CCSER1: variants seen among roughly 807,000 people sequenced by gnomAD.
CCSER1 encodes serine-rich coiled-coil domain-containing protein 1.
A neutral mutation model predicts 82.0 loss-of-function variants in CCSER1; 41 were observed. The observed-to-expected ratio is 0.50, with a 90% CI of 0.39 to 0.65. CCSER1 has a LOEUF of 0.65. Ranked by LOEUF, CCSER1 falls within the 30% of genes least tolerant of loss-of-function variation. The pLI, the probability that CCSER1 is intolerant of heterozygous loss-of-function variation, is 0.00. For synonymous variants in CCSER1, 414 were observed against 383.9 expected (o/e 1.08, Z -0.92); for missense variants, 1,119 against 1,064.2 (o/e 1.05, Z -0.72).
At chr4:90,856,882 G>C (rs1428340537) in intron 8 of CCSER1, among the ~76,000 whole-genome samples, 1 of 151,472 alleles carries the variant, frequency 6.6e-6, no homozygotes, top group African/African-American at 2.4e-5. Context: ...GAGGCTTAGA[G>C]GTTGCAATCT....
intron 1 of CCSER1, among the ~76,000 whole-genome samples, chr4:90,263,713 G>T (rs1560902606): frequency 6.6e-6 from 1 of 152,144 alleles, no homozygotes; most frequent in Admixed American, 6.5e-5. Context: ...CTTGCCCTAA[G>T]TAGTCTGGGG....
intron 10 of CCSER1, among the ~76,000 whole-genome samples, chr4:91,214,363 C>T (rs1737069938): frequency 6.6e-6 from 1 of 152,154 alleles, no homozygotes; most frequent in Non-Finnish European, 1.5e-5. Context: ...CCTAGACGAA[C>T]ACCCTATATG....
chr4:91,478,265 T>A (rs1321678238), intron 10 of CCSER1, among the ~76,000 whole-genome samples: 1 of 151,942 alleles, frequency 6.6e-6, no homozygotes, highest in African/African-American at 2.4e-5. Flanking sequence ...ACTATTCAAC[T>A]ACATTTTAGC....
chr4:90,995,833 G>T (rs945982537), intron 9 of CCSER1, among the ~76,000 whole-genome samples: 3 of 151,824 alleles, frequency 2.0e-5, no homozygotes, highest in Admixed American at 6.6e-5. Flanking sequence ...ACTCACAACT[G>T]GTCCTTAAAC....
chr4:90,835,106 T>C (rs1478035213), intron 8 of CCSER1, among the ~76,000 whole-genome samples: 2 of 152,148 alleles, frequency 1.3e-5, no homozygotes, highest in South Asian at 2.1e-4. Context: ...CCGAGGCGGA[T>C]GGATCACGAG....
chr4:91,556,538 A>T lies in CCSER1; in HGVS notation c.2218-42034A>T, dbSNP rs571639917. On this transcript the variant is annotated intron_variant, in intron 10 of 10. Coordinates refer to ENST00000509176, the MANE Select transcript of CCSER1 (RefSeq NM_001145065.2). The stretch of plus-strand genomic sequence containing the variant: ...GTACTCTAAAACTTAAAGTATAATT[A>T]AAAAAAACCTTTGAATGAAAAAAGG... 1.0e-3 allele frequency among the ~76,000 whole-genome samples: 156 copies of T among 150,922 alleles called. 4 individuals are homozygous for T. The highest frequency in any genetic ancestry group is 3.4e-3 in the African/African-American group (139 of 41,202).
chr4:91,514,858 G>A (rs932165338), intron 10 of CCSER1, among the ~76,000 whole-genome samples: 1 of 152,170 alleles, frequency 6.6e-6, no homozygotes, highest in Admixed American at 6.6e-5. Context: ...TAAGCAGGAA[G>A]AATTCTCTTT....
chr4:90,858,333 A>C (rs1764694890), intron 8 of CCSER1, among the ~76,000 whole-genome samples: 1 of 152,082 alleles, frequency 6.6e-6, no homozygotes, highest in African/African-American at 2.4e-5. Flanking sequence ...GCTTAAGTAA[A>C]AATGGATGTC....
intron 9 of CCSER1, among the ~76,000 whole-genome samples, chr4:91,078,173 T>C (rs1186089579): frequency 6.6e-6 from 1 of 152,134 alleles, no homozygotes; most frequent in Non-Finnish European, 1.5e-5. Flanking sequence ...CTGAGTAGCC[T>C]AAATAGGAGA....
At chr4:90,688,171 T>C (rs1735163725) in intron 6 of CCSER1, among the ~76,000 whole-genome samples, 1 of 152,170 alleles carries the variant, frequency 6.6e-6, no homozygotes, top group Non-Finnish European at 1.5e-5. Flanking sequence ...GACATCTGTA[T>C]ACTTCATTAG....
chr4:91,365,540 G>C (rs1749552184), intron 10 of CCSER1, among the ~76,000 whole-genome samples: 2 of 152,094 alleles, frequency 1.3e-5, no homozygotes, highest in African/African-American at 4.8e-5. Flanking sequence ...CAGTGGTACA[G>C]AATCAGACTC....
intron 10 of CCSER1, among the ~76,000 whole-genome samples, chr4:91,476,078 G>A (rs1408911654): frequency 6.6e-6 from 1 of 151,754 alleles, no homozygotes; most frequent in Non-Finnish European, 1.5e-5. Context: ...CTTGGCTATT[G>A]TGAATAGCAC....
At chr4:90,798,383 A>G (rs1756326520) in intron 7 of CCSER1, among the ~76,000 whole-genome samples, 1 of 152,094 alleles carries the variant, frequency 6.6e-6, no homozygotes, top group Admixed American at 6.5e-5. Flanking sequence ...TGCATTATTT[A>G]TCAGGATTTT....
At chr4:90,172,431 A>G (rs1446890095) in intron 1 of CCSER1, among the ~76,000 whole-genome samples, 1 of 151,918 alleles carries the variant, frequency 6.6e-6, no homozygotes, top group Non-Finnish European at 1.5e-5. Context: ...TCTTTTAGTA[A>G]TAGCTTGGAA....
At chr4:91,530,684 C>CTTTTTTTTT (rs35485374) in intron 10 of CCSER1, among the ~76,000 whole-genome samples, 1 of 136,480 alleles carries the variant, frequency 7.3e-6, no homozygotes, top group Non-Finnish European at 1.6e-5. Flanking sequence ...ATTTTTCTTT[C>CTTTTTTTTT]TTTTTTTTTT....
At chr4:91,474,799 A>G (rs1232145227) in intron 10 of CCSER1, among the ~76,000 whole-genome samples, 9 of 62,238 alleles carry the variant, frequency 1.4e-4, no homozygotes, top group African/African-American at 4.4e-4. Flanking sequence ...ATATATATAT[A>G]TATATATATA....
intron 1 of CCSER1, among the ~76,000 whole-genome samples, chr4:90,235,917 AG>A (rs1745701926): frequency 6.6e-6 from 1 of 152,114 alleles, no homozygotes; most frequent in South Asian, 2.1e-4. Flanking sequence ...AAATTTACAA[AG>A]CTCTATTTAC....
intron 9 of CCSER1, among the ~76,000 whole-genome samples, chr4:91,017,528 C>G (rs1470278523): frequency 6.6e-6 from 1 of 152,030 alleles, no homozygotes; most frequent in East Asian, 1.9e-4. Context: ...GTCTAGTCCC[C>G]ATTAGTTATC....
intron 5 of CCSER1, among the ~76,000 whole-genome samples, chr4:90,609,481 T>TAAAA (rs1553959338): frequency 6.6e-6 from 1 of 151,472 alleles, no homozygotes; most frequent in Admixed American, 6.6e-5. Context: ...TTCCTTTTGA[T>TAAAA]AGAACAAAAC....
Sources: gnomAD v4.1 joint callset for allele counts (sites outside exome capture counted in the v4.1 genomes callset) on GRCh38, gnomAD v4.1.1 for gene constraint, MANE v1.5 for transcripts, NCBI Gene and HGNC (gene_info 2026-07-23, HGNC 2026-07-21) for gene names.